The following CACNA1D variants were observed in gnomAD, a reference collection of about 807,000 sequenced individuals.
CACNA1D encodes calcium voltage-gated channel subunit alpha1 D, also known as voltage-dependent L-type calcium channel subunit alpha-1D.
A neutral mutation model predicts 257.1 loss-of-function variants in CACNA1D; 55 were observed. The ratio of observed to expected loss-of-function variants is 0.21; its 90% CI spans 0.17 to 0.27. The LOEUF (loss-of-function observed/expected upper bound fraction) is 0.27, where lower values mean the gene tolerates loss of function less well. Among genes scored for constraint, CACNA1D ranks in the 10% least tolerant of loss-of-function variants. The pLI is 1.00. For synonymous variants in CACNA1D, 980 were observed against 1,014.9 expected (o/e 0.97, Z 0.65); for missense variants, 1,876 against 2,784.0 (o/e 0.67, Z 7.34).
At chr3:53,629,673 C>T (rs2093800718) in intron 3 of CACNA1D, among the ~76,000 whole-genome samples, 3 of 152,110 alleles carry the variant, frequency 2.0e-5, no homozygotes, top group African/African-American at 7.2e-5. Context: ...CGTTTTTCTC[C>T]CCCCAGCACA....
intron 44 of CACNA1D, 139 bp downstream of exon 44, chr3:53,803,711 G>A: frequency 3.8e-6 from 3 of 795,372 alleles, no homozygotes; most frequent in Non-Finnish European, 6.5e-6. Flanking sequence ...CCAGGCCAGA[G>A]GGAGAGTGGA....
At chr3:53,613,626 G>A (rs1189143751) in intron 3 of CACNA1D, among the ~76,000 whole-genome samples, 1 of 152,096 alleles carries the variant, frequency 6.6e-6, no homozygotes, top group Admixed American at 6.6e-5. Context: ...TACATGCTGT[G>A]AGTGTAAGGT....
intron 44 of CACNA1D, among the ~76,000 whole-genome samples, chr3:53,803,841 C>T (rs1216917427): frequency 1.3e-5 from 2 of 152,232 alleles, no homozygotes; most frequent in East Asian, 3.9e-4. Flanking sequence ...GGAGATGGGC[C>T]TGCTTCGTGG....
intron 29 of CACNA1D, among the ~76,000 whole-genome samples, chr3:53,758,664 C>T (rs142178105): frequency 1.4e-3 from 209 of 152,282 alleles, no homozygotes; most frequent in Non-Finnish European, 2.3e-3. Context: ...AATGTTTCTG[C>T]GCAATACATA....
chr3:53,790,765 G>T (rs1481161662), intron 40 of CACNA1D, among the ~76,000 whole-genome samples: 2 of 152,158 alleles, frequency 1.3e-5, no homozygotes, highest in Admixed American at 6.5e-5. Context: ...GAAGAAAATG[G>T]GATCCTCCAC....
At chr3:53,700,611 A>G (rs533140177) in intron 8 of CACNA1D, among the ~76,000 whole-genome samples, 1 of 152,292 alleles carries the variant, frequency 6.6e-6, no homozygotes, top group African/African-American at 2.4e-5. Flanking sequence ...ATGGCGAGAC[A>G]CTGGAGTCCT....
chr3:53,559,154 T>C (rs1299538083), intron 3 of CACNA1D, among the ~76,000 whole-genome samples: 4 of 152,226 alleles, frequency 2.6e-5, no homozygotes, highest in East Asian at 1.9e-4. Flanking sequence ...CAGTCTGCAA[T>C]TGAAGCTATC....
chr3:53,760,133 A>G (rs6776947), intron 29 of CACNA1D, among the ~76,000 whole-genome samples: 37,762 of 152,020 alleles, frequency 0.25, 6,037 homozygotes, highest in Non-Finnish European at 0.36. Flanking sequence ...AGTTGGTTAG[A>G]AACCACGGCG....
chr3:53,739,022 A>T (rs2095087496), intron 20 of CACNA1D, among the ~76,000 whole-genome samples: 1 of 152,236 alleles, frequency 6.6e-6, no homozygotes, highest in South Asian at 2.1e-4. Context: ...CACAGAATTC[A>T]TAAGTCCAAA....
chr3:53,545,660 G>T (rs1199110008), intron 3 of CACNA1D, among the ~76,000 whole-genome samples: 1 of 152,178 alleles, frequency 6.6e-6, no homozygotes, highest in Non-Finnish European at 1.5e-5. Flanking sequence ...GAAAGGGCTT[G>T]TGCAGACTGA....
chr3:53,736,728 T>G (rs1215839290), intron 20 of CACNA1D, among the ~76,000 whole-genome samples: 1 of 151,790 alleles, frequency 6.6e-6, no homozygotes, highest in African/African-American at 2.4e-5. Flanking sequence ...CCCATCTATA[T>G]AAAAATTTAA....
At chr3:53,801,470 C>G (rs745840135) in intron 42 of CACNA1D, 45 bp downstream of exon 42, 1 of 1,608,582 alleles carries the variant, frequency 6.2e-7, no homozygotes, top group African/African-American at 1.3e-5. Context: ...GGTGTCTGCC[C>G]GTGTTGCGTC....
intron 3 of CACNA1D, among the ~76,000 whole-genome samples, chr3:53,550,971 A>G (rs2092520266): frequency 1.3e-5 from 2 of 152,222 alleles, no homozygotes; most frequent in African/African-American, 4.8e-5. Context: ...ATGTTTGAAA[A>G]GGTATCAAGA....
At chr3:53,784,136 G>A (rs1016438577) in intron 39 of CACNA1D, among the ~76,000 whole-genome samples, 6 of 152,294 alleles carry the variant, frequency 3.9e-5, no homozygotes, top group Non-Finnish European at 7.4e-5. Flanking sequence ...CCAGTGGCCC[G>A]GGGGTCTCCG....
intron 3 of CACNA1D, among the ~76,000 whole-genome samples, chr3:53,516,288 G>T (rs994901098): frequency 9.2e-5 from 14 of 152,336 alleles, no homozygotes; most frequent in Middle Eastern, 3.4e-3. Flanking sequence ...GTGCCATAGG[G>T]TTTTGAGAAT....
intron 8 of CACNA1D, 56 bp from the exon 9 acceptor site, chr3:53,702,585 G>A: frequency 6.3e-7 from 1 of 1,576,106 alleles, no homozygotes; most frequent in Non-Finnish European, 8.7e-7. Flanking sequence ...CAGTGGCTCA[G>A]GATGCAGGTC....
intron 8 of CACNA1D, among the ~76,000 whole-genome samples, chr3:53,686,809 CAAAG>C (rs1217786396): frequency 2.6e-5 from 4 of 151,620 alleles, no homozygotes; most frequent in African/African-American, 4.8e-5. Flanking sequence ...GAAGGTAAGA[CAAAG>C]AGATAAAAGG....
chr3:53,547,706 T>C (rs1426825963), intron 3 of CACNA1D, among the ~76,000 whole-genome samples: 1 of 152,208 alleles, frequency 6.6e-6, no homozygotes, highest in East Asian at 1.9e-4. Flanking sequence ...ATTATGGCAG[T>C]GGCCCTTTGG....
intron 4 of CACNA1D, among the ~76,000 whole-genome samples, chr3:53,653,770 GA>G (rs536977807): frequency 1.1e-3 from 170 of 151,670 alleles, no homozygotes; most frequent in South Asian, 2.3e-3. Flanking sequence ...AGAGGAGACA[GA>G]AAAAAAATTT....
Sources: allele counts gnomAD v4.1 joint callset (sites outside exome capture counted in the v4.1 genomes callset), GRCh38; gene constraint gnomAD v4.1.1; transcripts MANE v1.5; gene names NCBI Gene and HGNC (gene_info 2026-07-23, HGNC 2026-07-21).